ATP11A: variants seen among roughly 807,000 people sequenced by gnomAD.
ATP11A encodes the protein ATPase phospholipid transporting 11A, also known as phospholipid-transporting ATPase IH.
In ATP11A, 81 loss-of-function variants were observed where a neutral mutation model predicts 154.4. The ratio of observed to expected loss-of-function variants is 0.52; its 90% CI spans 0.44 to 0.63. ATP11A has a LOEUF of 0.63. Among genes scored for constraint, ATP11A ranks in the 30% least tolerant of loss-of-function variants. The pLI is 0.00. For synonymous variants in ATP11A, 623 were observed against 585.9 expected (o/e 1.06, Z -0.91); for missense variants, 1,316 against 1,474.3 (o/e 0.89, Z 1.76).
At chr13:112,730,179 G>A (rs1373186124) in intron 1 of ATP11A, among the ~76,000 whole-genome samples, 1 of 152,198 alleles carries the variant, frequency 6.6e-6, no homozygotes, top group Non-Finnish European at 1.5e-5. Context: ...GACCTGGAAG[G>A]GGGCATCCTG....
At chr13:112,748,392 A>G (rs1347554769) in intron 1 of ATP11A, among the ~76,000 whole-genome samples, 1 of 151,990 alleles carries the variant, frequency 6.6e-6, no homozygotes, top group Non-Finnish European at 1.5e-5. Context: ...TTGAGATGGG[A>G]TCTTGCTCTG....
intron 29 of ATP11A, chr13:112,880,361 G>A (rs1326581072): frequency 5.9e-6 from 2 of 338,714 alleles, no homozygotes; most frequent in Non-Finnish European, 9.7e-6. Flanking sequence ...GGCCCTGCTG[G>A]GACAGTGTTT....
rs189969350 is a variant in ATP11A at position 112,706,315 on chromosome 13, A to C, written c.39+15860A>C. ...GCAAGAGAGGAGGATCTGGTGTTTCATCTTAGAGCAAATCATACTTGATAG... is the reference window on the plus strand; with the variant it reads ...GCAAGAGAGGAGGATCTGGTGTTTCCTCTTAGAGCAAATCATACTTGATAG... On this transcript the variant is annotated intron_variant, in intron 1 of 29. Coordinates refer to ENST00000375645, the MANE Select transcript of ATP11A (RefSeq NM_015205.3). Among the ~76,000 whole-genome samples the C allele has an allele frequency of 1.0e-3, 155 of 152,360 alleles. No homozygotes were observed. The East Asian group carries it at 0.012, about 12-fold the overall frequency.
At chr13:112,857,971 C>T (rs367813135) in intron 21 of ATP11A, 51 bp downstream of exon 21, 60 of 1,596,502 alleles carry the variant, frequency 3.8e-5, no homozygotes, top group Admixed American at 5.0e-5. Flanking sequence ...GTCACCCCTT[C>T]GCTAGACAAA....
chr13:112,806,372 G>T, intron 4 of ATP11A, 79 bp downstream of exon 4: 1 of 1,170,404 alleles, frequency 8.5e-7, no homozygotes, highest in South Asian at 1.3e-5. Flanking sequence ...CGAGGTGATT[G>T]GTTTGTTGTA....
intron 25 of ATP11A, among the ~76,000 whole-genome samples, chr13:112,867,682 C>G (rs963794318): frequency 5.9e-5 from 9 of 152,234 alleles, no homozygotes; most frequent in African/African-American, 1.9e-4. Flanking sequence ...CTGGTCTCTT[C>G]CGGCTGTACC....
chr13:112,864,486 A>G (rs373521765), intron 25 of ATP11A, among the ~76,000 whole-genome samples: 1 of 35,986 alleles, frequency 2.8e-5, no homozygotes, highest in Non-Finnish European at 4.9e-5. Context: ...CCATCACCAC[A>G]TGCACAGTAA....
intron 1 of ATP11A, among the ~76,000 whole-genome samples, chr13:112,741,535 G>C (rs930779263): frequency 6.6e-6 from 1 of 152,190 alleles, no homozygotes; most frequent in East Asian, 1.9e-4. Context: ...CAGGCTGCCC[G>C]TTGCATCAGC....
In ATP11A at chr13:112,856,060, G is replaced by T. The variant is rs1280321268; in HGVS notation, c.2393G>T (p.Arg798Leu). The change falls in exon 20 of 30, where the codon CGC (arginine) becomes CTC (leucine). Residue 798 changes from arginine to leucine, a missense_variant. This residue lies in a region of ATP11A where 876 missense variants were observed against 1,006.8 expected (regional missense o/e 0.87). Transcript: ENST00000375645. ...AGCTGCAGCGCGGTGCTCTGCTGCC[G>T]CATGGCGCCCTTGCAGAAGGCTCAG... ...CRSCSAVLCC[R>L]MAPLQKAQIV... The T allele has an allele frequency of 1.2e-6, 2 of 1,613,210 alleles. No homozygotes were observed. The highest frequency in any genetic ancestry group is 1.7e-6 in the Non-Finnish European group (2 of 1,179,742).
In ATP11A at chr13:112,753,368, A is replaced by AT. The variant is rs1320429163; in HGVS notation, c.40-31764dup. On this transcript the variant is annotated intron_variant, in intron 1 of 29. Transcript: ENST00000375645. This position sits in a 1 kb window ranked among gnomAD's most constrained non-coding sequence, Gnocchi z 4.1. The stretch of plus-strand genomic sequence containing the variant: ...TTTGGGATCGCTTTGGAGAAGGGAG[A>AT]TTTCTGAGAAGGGGGGTACGTTTGC... 6.6e-6 allele frequency among the ~76,000 whole-genome samples: 1 copy of AT among 152,126 alleles called. No individual in the cohort carries two copies. The highest frequency in any genetic ancestry group is 1.5e-5 in the Non-Finnish European group (1 of 68,012).
chr13:112,884,990 A>G lies in ATP11A; in HGVS notation c.*3124A>G, dbSNP rs1566615972. 6.6e-6 allele frequency: 1 copy of G among 152,420 alleles called. No individual in the cohort carries two copies. The highest frequency in any genetic ancestry group is 1.5e-5 in the Non-Finnish European group (1 of 68,138). The allele number at this position is 152,420 out of a possible 1,614,324, so 9.4% of individuals were successfully genotyped here. ...GGGGCTTGCACACAGGATCACTCAC[A>G]TATGTACATGTACCCACCACAAACG... On this transcript the variant is annotated 3_prime_UTR_variant, in exon 30 of 30. Transcript: ENST00000375645.
At chr13:112,724,111 T>TTCGCCCCCTTCTCCCCCA (rs1052635460) in intron 1 of ATP11A, among the ~76,000 whole-genome samples, 1 of 13,302 alleles carries the variant, frequency 7.5e-5, no homozygotes, top group African/African-American at 3.2e-4. Context: ...CATCGCCCCC[T>TTCGCCCCCTTCTCCCCCA]TCGCCCCCTT....
chr13:112,829,697 C>T (rs1390679255), intron 12 of ATP11A, among the ~76,000 whole-genome samples: 1 of 152,046 alleles, frequency 6.6e-6, no homozygotes, highest in African/African-American at 2.4e-5. Flanking sequence ...AAGCTCTAGC[C>T]AGAGCAGTGA....
At chr13:112,723,420 C>T (rs1889448607) in intron 1 of ATP11A, among the ~76,000 whole-genome samples, 1 of 145,416 alleles carries the variant, frequency 6.9e-6, no homozygotes, top group South Asian at 2.3e-4. Context: ...TACAGGCACA[C>T]ACCACCACAC....
chr13:112,836,364 C>G, intron 16 of ATP11A, 113 bp downstream of exon 16: 1 of 606,350 alleles, frequency 1.6e-6, no homozygotes, highest in Non-Finnish European at 2.7e-6. Flanking sequence ...ATGATTTATT[C>G]TTTTTTTAAA....
chr13:112,784,125 T>C (rs1326903648), intron 1 of ATP11A, among the ~76,000 whole-genome samples: 1 of 152,228 alleles, frequency 6.6e-6, no homozygotes, highest in Non-Finnish European at 1.5e-5. Flanking sequence ...TGACTGCCCC[T>C]GCAGAGCGGG....
intron 4 of ATP11A, 36 bp downstream of exon 4, chr13:112,806,329 A>G: frequency 1.3e-6 from 2 of 1,502,148 alleles, no homozygotes; most frequent in Non-Finnish European, 1.8e-6. Context: ...AGCAATCGTC[A>G]TCTTCACCAT....
intron 1 of ATP11A, among the ~76,000 whole-genome samples, chr13:112,770,027 A>G (rs778572611): frequency 2.0e-5 from 3 of 152,138 alleles, no homozygotes; most frequent in Non-Finnish European, 4.4e-5. Flanking sequence ...GTCTGTTCCA[A>G]CTGCACCCCC....
At chr13:112,715,465 T>C (rs6577113) in intron 1 of ATP11A, among the ~76,000 whole-genome samples, 226 of 5,528 alleles carry the variant, frequency 0.041, no homozygotes, top group East Asian at 0.17. Context: ...ACCTGGCCCA[T>C]CCCCCACACC....
Sources: allele counts gnomAD v4.1 joint callset (sites outside exome capture counted in the v4.1 genomes callset), GRCh38; gene constraint gnomAD v4.1.1; regional missense constraint gnomAD v4.1.1; non-coding constraint Gnocchi (gnomAD v3.1); transcripts MANE v1.5; gene names NCBI Gene and HGNC (gene_info 2026-07-23, HGNC 2026-07-21).